The following NDRG1 variants were observed in gnomAD, a reference collection of about 807,000 sequenced individuals.
NDRG1 encodes the protein protein NDRG1.
NDRG1 carries 32 observed loss-of-function variants against 56.9 expected under a neutral mutation model. The observed-to-expected ratio is 0.56, with a 90% CI of 0.42 to 0.76. The LOEUF is 0.76. NDRG1 is among the 30% of genes least tolerant of loss of function. NDRG1 has a pLI of 0.00. For synonymous variants in NDRG1, 211 were observed against 204.1 expected, an observed-to-expected ratio of 1.03 and a Z score of -0.29; for missense variants, 507 against 545.7, an observed-to-expected ratio of 0.93 and a Z score of 0.71.
chr8:133,265,157 C>G (rs986381535), intron 3 of NDRG1, among the ~76,000 whole-genome samples: 1 of 152,216 alleles, frequency 6.6e-6, no homozygotes, highest in Admixed American at 6.5e-5. Flanking sequence ...TGACAGTGAC[C>G]CCCCTCCCCA....
At chr8:133,267,057 G>A (rs1856956936) in intron 3 of NDRG1, among the ~76,000 whole-genome samples, 1 of 152,146 alleles carries the variant, frequency 6.6e-6, no homozygotes, top group African/African-American at 2.4e-5. Context: ...GCGGAGGAGT[G>A]CAGGGGTTCC....
chr8:133,295,585 G>C (rs957370316), intron 1 of NDRG1, among the ~76,000 whole-genome samples: 2 of 152,218 alleles, frequency 1.3e-5, no homozygotes, highest in Admixed American at 6.5e-5. Context: ...TGCCCCCTCT[G>C]TACCTTGCTT....
rs367931578 is a variant in NDRG1, at chr8:133,248,682, C to T, written c.755+33G>A. ...CCACCTTTATAGTGGGCAGCCCCGACTGCAAGTGCTGGGGGAGAGAAAAGC... is the reference window on the plus strand; with the variant it reads ...CCACCTTTATAGTGGGCAGCCCCGATTGCAAGTGCTGGGGGAGAGAAAAGC... On this transcript the variant is annotated intron_variant, in intron 11 of 15. Coordinates refer to ENST00000323851, the MANE Select transcript of NDRG1 (RefSeq NM_006096.4). The T allele has an allele frequency of 2.6e-5, 42 of 1,613,902 alleles. No homozygotes were observed. The African/African-American group carries it at 4.7e-4, about 18-fold the overall frequency.
intron 1 of NDRG1, among the ~76,000 whole-genome samples, chr8:133,295,526 T>C (rs949437261): frequency 1.3e-5 from 2 of 152,174 alleles, no homozygotes; most frequent in Non-Finnish European, 2.9e-5. Flanking sequence ...TCTCCAGCCG[T>C]GTGTCTTCCC....
At position 133,250,485 on chromosome 8, in the gene NDRG1, T is replaced by A; in HGVS notation, c.653A>T (p.Asp218Val). The change falls in exon 10 of 16, where the codon GAC becomes GTC. Residue 218 changes from aspartate (D) to valine (V), a missense_variant. Coordinates refer to ENST00000323851, the MANE Select transcript of NDRG1 (RefSeq NM_006096.4). The stretch of plus-strand genomic sequence containing the variant: ...CAGGTGCAGGTTGCCGGGGTTCATG[T>A]CATTCACAATGTGCTGGCGGTAGGT... Reference protein sequence around the residue: ...VHTYRQHIVNDMNPGNLHLFI... With the variant: ...VHTYRQHIVNVMNPGNLHLFI... The A allele has an allele frequency of 6.2e-7, 1 of 1,614,124 alleles. No homozygotes were observed. The highest frequency in any genetic ancestry group is 1.1e-5 in the South Asian group (1 of 91,082).
At chr8:133,264,461 C>T (rs1288660583) in intron 4 of NDRG1, 86 bp downstream of exon 4, 6 of 1,226,042 alleles carry the variant, frequency 4.9e-6, no homozygotes, top group Non-Finnish European at 7.2e-6. Flanking sequence ...ACCACCAGCT[C>T]CCGGCCATCA....
intron 10 of NDRG1, among the ~76,000 whole-genome samples, chr8:133,249,816 G>C (rs1252699706): frequency 6.6e-6 from 1 of 152,230 alleles, no homozygotes; most frequent in East Asian, 1.9e-4. Context: ...TTTGAGCAGA[G>C]ATAAACACTA....
At chr8:133,276,371 T>A (rs1325131529) in intron 3 of NDRG1, among the ~76,000 whole-genome samples, 2 of 152,224 alleles carry the variant, frequency 1.3e-5, no homozygotes, top group Admixed American at 6.5e-5. Flanking sequence ...CTTTCTAGGT[T>A]TCTCAGAATT....
chr8:133,294,525 G>A (rs1858622562), intron 1 of NDRG1, among the ~76,000 whole-genome samples: 2 of 152,202 alleles, frequency 1.3e-5, no homozygotes, highest in South Asian at 4.1e-4. Flanking sequence ...TCTGGGGTTG[G>A]GTCCCAAGGA....
At chr8:133,265,889 C>T (rs1449411934) in intron 3 of NDRG1, among the ~76,000 whole-genome samples, 1 of 152,204 alleles carries the variant, frequency 6.6e-6, no homozygotes, top group Non-Finnish European at 1.5e-5. Context: ...CAGAAGTTCC[C>T]GAGGACCCCA....
intron 15 of NDRG1, 138 bp from the exon 16 acceptor site, chr8:133,239,257 G>A: frequency 7.2e-7 from 1 of 1,385,952 alleles, no homozygotes; most frequent in Middle Eastern, 2.5e-4. Context: ...CCAGCTGCTG[G>A]GCCCCCGTCC....
chr8:133,258,997 C>T, intron 6 of NDRG1, 171 bp downstream of exon 6: 1 of 739,788 alleles, frequency 1.4e-6, no homozygotes, highest in Non-Finnish European at 2.4e-6. Flanking sequence ...GACTAGAGCT[C>T]AGAGACTGTG....
At chr8:133,267,964 T>C (rs570748990) in intron 3 of NDRG1, among the ~76,000 whole-genome samples, 77 of 152,224 alleles carry the variant, frequency 5.1e-4, no homozygotes, top group African/African-American at 1.6e-3. Flanking sequence ...GCATCAAGAA[T>C]GTCCCTGGCA....
At chr8:133,286,598 C>T (rs1467705139) in intron 1 of NDRG1, among the ~76,000 whole-genome samples, 1 of 152,196 alleles carries the variant, frequency 6.6e-6, no homozygotes, top group Non-Finnish European at 1.5e-5. Context: ...TGAGCATCTG[C>T]TTTTGGGAGC....
At chr8:133,240,705 T>A (rs1855330574) in intron 15 of NDRG1, 1 of 152,192 alleles carries the variant, frequency 6.6e-6, no homozygotes. Context: ...AGCTTTCTGG[T>A]AATAGAAGCC....
intron 3 of NDRG1, among the ~76,000 whole-genome samples, chr8:133,270,751 G>A (rs1037515245): frequency 2.0e-5 from 3 of 152,134 alleles, no homozygotes; most frequent in African/African-American, 7.2e-5. Context: ...AGCTTTCTAG[G>A]TTGGTGAGAA....
intron 3 of NDRG1, among the ~76,000 whole-genome samples, chr8:133,278,344 C>T (rs956311035): frequency 6.6e-6 from 1 of 152,168 alleles, no homozygotes; most frequent in Admixed American, 6.5e-5. Flanking sequence ...ACCATGCCAC[C>T]CTCAATGAGT....
In NDRG1 at chr8:133,246,607, T is replaced by C; in HGVS notation, c.855+9A>G. 1 of 1,614,112 alleles carries C rather than the reference T, an allele frequency of 6.2e-7. No individual in the cohort carries two copies. Among genetic ancestry groups the C allele is most frequent in the Non-Finnish European group, 8.5e-7 (1 of 1,179,924 alleles). ...TAACAAACACGAACCCCCACTGTTT[T>C]CCCTGTACCTTGAGGAGAGTGGTCT... On this transcript the variant is annotated intron_variant, in intron 13 of 15. Coordinates refer to ENST00000323851, the MANE Select transcript of NDRG1 (RefSeq NM_006096.4).
intron 1 of NDRG1, among the ~76,000 whole-genome samples, chr8:133,289,158 C>T (rs11987466): frequency 0.12 from 18,041 of 152,094 alleles, 1,293 homozygotes; most frequent in African/African-American, 0.18. Flanking sequence ...TCAAGTGATC[C>T]TCCTACTCCG....
Sources: gnomAD v4.1 joint callset for allele counts (sites outside exome capture counted in the v4.1 genomes callset) on GRCh38, gnomAD v4.1.1 for gene constraint, MANE v1.5 for transcripts, NCBI Gene and HGNC (gene_info 2026-07-23, HGNC 2026-07-21) for gene names.